Variants in UNC13B observed in about 807,000 individuals in gnomAD.
The protein encoded by UNC13B is protein unc-13 homolog B.
In UNC13B, 144 loss-of-function variants were observed where a neutral mutation model predicts 211.0. The ratio of observed to expected loss-of-function variants is 0.68; its 90% confidence interval spans 0.60 to 0.78. The LOEUF (loss-of-function observed/expected upper bound fraction) is 0.78. Among genes scored for constraint, UNC13B ranks in the 30% least tolerant of loss-of-function variants. The pLI is 0.00. For synonymous variants in UNC13B, 709 were observed against 725.8 expected (o/e 0.98, Z 0.37); for missense variants, 1,777 against 2,002.0 (o/e 0.89, Z 2.14).
intron 1 of UNC13B, among the ~76,000 whole-genome samples, chr9:35,191,760 T>C (rs1822672425): frequency 1.3e-5 from 2 of 152,238 alleles, no homozygotes; most frequent in South Asian, 4.1e-4. Flanking sequence ...GCCACGTGGT[T>C]ACACGTCATG....
chr9:35,392,000 G>A (rs925108586), intron 26 of UNC13B, among the ~76,000 whole-genome samples: 1 of 152,216 alleles, frequency 6.6e-6, no homozygotes, highest in Non-Finnish European at 1.5e-5. Context: ...TCTACTTTAA[G>A]AGAAAGAATT....
intron 11 of UNC13B, among the ~76,000 whole-genome samples, chr9:35,320,249 A>G (rs654571): frequency 0.024 from 3,599 of 152,266 alleles, 132 homozygotes; most frequent in African/African-American, 0.082. Flanking sequence ...TTTTCATTAT[A>G]TACCCAGTAA....
Position 35,162,117 on chromosome 9 carries a change from T to G in UNC13B, c.-167T>G. On this transcript the variant is annotated 5_prime_UTR_variant, in exon 1 of 40. In the 5' UTR this introduces an upstream ATG that the reference lacks. Coordinates refer to ENST00000635942, the MANE Select transcript of UNC13B (RefSeq NM_001371189.2). ...CCGGAGTTCGCTCAGACGGTGAGAT[T>G]TGGGGCGGGTCCGAGGCAGCGGCGG... The G allele has an allele frequency of 9.6e-7, 1 of 1,042,880 alleles. No individual in the cohort carries two copies. The highest frequency in any genetic ancestry group is 1.6e-5 in the African/African-American group (1 of 62,732). The allele number at this position is 1,042,880 out of a possible 1,614,324, so 64.6% of individuals were successfully genotyped here. A position where few individuals can be genotyped will look rare whatever the true frequency, so the allele number is the denominator to read the frequency against.
chr9:35,260,630 CT>C (rs562214323), intron 7 of UNC13B, among the ~76,000 whole-genome samples: 81 of 152,112 alleles, frequency 5.3e-4, no homozygotes, highest in African/African-American at 1.8e-3. Flanking sequence ...TAGAGGTGAA[CT>C]TTTTTTTCTT....
chr9:35,310,378 G>A (rs1346142214), intron 9 of UNC13B, 89 bp from the exon 10 acceptor site: 104 of 1,356,160 alleles, frequency 7.7e-5, no homozygotes, highest in Non-Finnish European at 6.1e-6. Flanking sequence ...TGCTACTAAT[G>A]TAGTCATTAT....
chr9:35,372,175 G>A (rs375841276), intron 13 of UNC13B, among the ~76,000 whole-genome samples: 3 of 152,226 alleles, frequency 2.0e-5, no homozygotes, highest in South Asian at 2.1e-4. Flanking sequence ...GGGAGGCTGA[G>A]GCAGGAGAAT....
At chr9:35,230,920 T>C (rs1825164015) in intron 2 of UNC13B, among the ~76,000 whole-genome samples, 200 bp from the exon 3 acceptor site, 1 of 152,250 alleles carries the variant, frequency 6.6e-6, no homozygotes, top group African/African-American at 2.4e-5. Context: ...TTTTAGATTA[T>C]GCTCTTGAAG....
At chr9:35,239,820 G>A (rs1157579154) in intron 5 of UNC13B, among the ~76,000 whole-genome samples, 1 of 152,198 alleles carries the variant, frequency 6.6e-6, no homozygotes, top group Non-Finnish European at 1.5e-5. Flanking sequence ...AGAGAAATAT[G>A]GCTCTGTTCC....
At chr9:35,351,202 A>T in intron 11 of UNC13B, 1 of 755,892 alleles carries the variant, frequency 1.3e-6, no homozygotes, top group Non-Finnish European at 1.6e-6. Context: ...ATCTTAGGAG[A>T]TAATGTTTTT....
At chr9:35,270,813 G>A (rs1305583050) in intron 7 of UNC13B, among the ~76,000 whole-genome samples, 2 of 152,078 alleles carry the variant, frequency 1.3e-5, no homozygotes, top group East Asian at 3.9e-4. Context: ...CTTTTTGCAT[G>A]TGGATTTCCA....
In UNC13B at chr9:35,403,738, G is replaced by A. The variant is rs375280400; in HGVS notation, c.12738-10G>A. ...ACTCTGGCCTCATAACTTCTATCTTGTGCTCACAGCCTCCTGGGAAATGAG... is the reference window on the plus strand; with the variant it reads ...ACTCTGGCCTCATAACTTCTATCTTATGCTCACAGCCTCCTGGGAAATGAG... On this transcript the variant is annotated splice_polypyrimidine_tract_variant and intron_variant, in intron 39 of 39. Transcript: ENST00000635942. 1.2e-6 allele frequency: 2 copies of A among 1,613,832 alleles called. No individual in the cohort carries two copies. Among genetic ancestry groups the A allele is most frequent in the Non-Finnish European group, 8.5e-7 (1 of 1,179,826 alleles).
In UNC13B at chr9:35,257,656, A is replaced by G. The variant is rs139619746; in HGVS notation, c.469-1337A>G. 5.3e-3 allele frequency among the ~76,000 whole-genome samples: 786 copies of G among 148,756 alleles called. 8 individuals carry two copies. Among genetic ancestry groups the G allele is most frequent in the Non-Finnish European group, 6.9e-3 (464 of 67,414 alleles). Reference sequence around the variant, plus strand: ...GATTGGCAATTTTGCTAGTGCTATCATATTGTTTACATTGTACTTGACTTT... The same window carrying G: ...GATTGGCAATTTTGCTAGTGCTATCGTATTGTTTACATTGTACTTGACTTT... On this transcript the variant is annotated intron_variant, in intron 6 of 39. Transcript: ENST00000635942.
Position 35,375,100 on chromosome 9 carries a change from G to A in UNC13B, c.9541-27G>A, listed in dbSNP as rs1255901963. On this transcript the variant is annotated intron_variant, in intron 13 of 39. Coordinates refer to ENST00000635942, the MANE Select transcript of UNC13B (RefSeq NM_001371189.2). Reference sequence around the variant, plus strand: ...CTTTGCCAGCCCTTGGCAGTGGTCAGGGCTAACAGCAGATCTTCCCTGACA... The same window carrying A: ...CTTTGCCAGCCCTTGGCAGTGGTCAAGGCTAACAGCAGATCTTCCCTGACA... 1.9e-6 allele frequency: 3 copies of A among 1,613,732 alleles called. No homozygotes were observed. In the African/African-American group the frequency reaches 4.0e-5, roughly 22 times the overall value.
intron 30 of UNC13B, 128 bp from the exon 31 acceptor site, chr9:35,398,083 A>C (rs933781911): frequency 1.3e-6 from 1 of 746,064 alleles, no homozygotes; most frequent in Non-Finnish European, 2.1e-6. Context: ...CCCAGCTCTT[A>C]GTGCTGAGGG....
At chr9:35,389,252 C>G (rs1835373514) in intron 24 of UNC13B, among the ~76,000 whole-genome samples, 1 of 152,148 alleles carries the variant, frequency 6.6e-6, no homozygotes. Flanking sequence ...AAGTAAGGCC[C>G]TATCTTATCT....
At chr9:35,205,361 A>T (rs73497387) in intron 1 of UNC13B, among the ~76,000 whole-genome samples, 2 of 151,930 alleles carry the variant, frequency 1.3e-5, no homozygotes, top group Admixed American at 6.6e-5. Flanking sequence ...GGTTTACTTT[A>T]AAAAAAATAG....
At chr9:35,389,807 C>T (rs988828916) in intron 24 of UNC13B, 39 bp from the exon 25 acceptor site, 70 of 1,610,114 alleles carry the variant, frequency 4.3e-5, no homozygotes, top group Non-Finnish European at 5.5e-5. Context: ...TCTACTCTGA[C>T]TCTTTCTCCC....
Position 35,399,406 on chromosome 9 carries a change from C to A in UNC13B, c.12213C>A (p.Ile4071=). ...PLTDQTGTQL[I]FTAAKELSHL... ...TCTCTGCCCAGGGCACCCAGCTGAT[C>A]TTCACTGCTGCCAAGGAGCTGAGCC... is the stretch of plus-strand genomic sequence containing the variant. Residue 4071 remains isoleucine, a synonymous_variant, in exon 35 of 40, where the codon ATC becomes ATA. Transcript: ENST00000635942. The A allele has an allele frequency of 1.9e-6, 3 of 1,614,150 alleles. No homozygotes were observed. Among genetic ancestry groups the A allele is most frequent in the East Asian group, 2.2e-5 (1 of 44,884 alleles).
At chr9:35,375,932 A>T (rs1834372004) in intron 14 of UNC13B, 96 bp from the exon 15 acceptor site, 3 of 1,272,648 alleles carry the variant, frequency 2.4e-6, no homozygotes, top group Admixed American at 1.8e-5. Flanking sequence ...ATGAGCCGAG[A>T]TCATACCACT....
Sources: allele counts gnomAD v4.1 joint callset (sites outside exome capture counted in the v4.1 genomes callset), GRCh38; gene constraint gnomAD v4.1.1; transcripts MANE v1.5; gene names NCBI Gene and HGNC (gene_info 2026-07-23, HGNC 2026-07-21).